Variants in GIGYF2 observed in about 807,000 individuals in gnomAD.
GIGYF2 encodes GRB10 interacting GYF protein 2.
In GIGYF2, 25 loss-of-function variants were observed where a neutral mutation model predicts 208.1. The observed-to-expected ratio is 0.12, with a 90% CI of 0.09 to 0.17. GIGYF2 has a LOEUF of 0.17. Ranked by LOEUF, GIGYF2 falls within the 10% of genes least tolerant of loss-of-function variation. The pLI is 1.00. For missense variants in GIGYF2, 1,302 were observed against 1,579.4 expected, an observed-to-expected ratio of 0.82 and a Z score of 2.98; for synonymous variants, 534 against 543.8, an observed-to-expected ratio of 0.98 and a Z score of 0.25.
intron 3 of GIGYF2, among the ~76,000 whole-genome samples, chr2:232,742,261 C>T (rs1697994404): frequency 6.6e-6 from 1 of 152,170 alleles, no homozygotes; most frequent in African/African-American, 2.4e-5. Context: ...AGAATTGGGG[C>T]TGGGCGCAGT....
chr2:232,804,366 C>T (rs1164798450), intron 14 of GIGYF2, among the ~76,000 whole-genome samples: 1 of 144,558 alleles, frequency 6.9e-6, no homozygotes, highest in Non-Finnish European at 1.5e-5. Context: ...TGTAGATTTA[C>T]ATCTGAGCAT....
intron 2 of GIGYF2, among the ~76,000 whole-genome samples, chr2:232,733,206 G>T (rs1246695134): frequency 6.7e-6 from 1 of 150,000 alleles, no homozygotes; most frequent in African/African-American, 2.5e-5. Flanking sequence ...ACAGTGAGCC[G>T]TGATCGCGCC....
chr2:232,833,758 C>T (rs569842768), intron 22 of GIGYF2, among the ~76,000 whole-genome samples: 5 of 152,152 alleles, frequency 3.3e-5, no homozygotes, highest in East Asian at 1.9e-4. Context: ...GGCATGTAAA[C>T]GTTCAGATGT....
chr2:232,754,322 A>G (rs1698451700), intron 5 of GIGYF2, among the ~76,000 whole-genome samples: 1 of 152,146 alleles, frequency 6.6e-6, no homozygotes, highest in South Asian at 2.1e-4. Context: ...ACTGCAGTTA[A>G]TGATCTTTCT....
intron 18 of GIGYF2, 38 bp from the exon 19 acceptor site, chr2:232,815,599 C>G (rs776443200): frequency 9.3e-7 from 1 of 1,077,966 alleles, no homozygotes; most frequent in South Asian, 1.3e-5. Flanking sequence ...TGTGTGTAAG[C>G]TCTGTCATTC....
At chr2:232,851,707 G>A (rs554270630) in intron 28 of GIGYF2, among the ~76,000 whole-genome samples, 4 of 152,190 alleles carry the variant, frequency 2.6e-5, no homozygotes, top group South Asian at 4.1e-4. Context: ...GGTGTGAACC[G>A]CCACGCCCGG....
chr2:232,793,693 A>G (rs1438631992), intron 12 of GIGYF2, among the ~76,000 whole-genome samples: 1 of 152,186 alleles, frequency 6.6e-6, no homozygotes, highest in African/African-American at 2.4e-5. Flanking sequence ...TATACTTAGT[A>G]GGGGTAAGAA....
At chr2:232,787,707 A>G (rs1018881248) in intron 9 of GIGYF2, among the ~76,000 whole-genome samples, 4 of 152,196 alleles carry the variant, frequency 2.6e-5, no homozygotes, top group Non-Finnish European at 4.4e-5. Context: ...CTCCCCAACA[A>G]TGAGTGTTTT....
chr2:232,823,061 C>T (rs1406496174), intron 21 of GIGYF2, among the ~76,000 whole-genome samples: 1 of 152,018 alleles, frequency 6.6e-6, no homozygotes. Context: ...TGAATAGATA[C>T]TGAGGTTGTA....
chr2:232,720,583 A>ATATATTTTTTT (rs376956632), intron 2 of GIGYF2, among the ~76,000 whole-genome samples: 6 of 144,988 alleles, frequency 4.1e-5, no homozygotes, highest in Admixed American at 2.1e-4. Context: ...ATATATATAT[A>ATATATTTTTTT]TTTTTGTTTG....
intron 8 of GIGYF2, among the ~76,000 whole-genome samples, chr2:232,770,695 G>T: frequency 6.7e-6 from 1 of 149,654 alleles, no homozygotes; most frequent in South Asian, 2.1e-4. Context: ...GTAAAATTTT[G>T]GCATTGAGAC....
chr2:232,844,569 T>G lies in GIGYF2; in HGVS notation c.3300T>G (p.Ser1100Arg). 6.2e-7 allele frequency: 1 copy of G among 1,609,158 alleles called. No individual in the cohort carries two copies. The highest frequency in any genetic ancestry group is 8.5e-7 in the Non-Finnish European group (1 of 1,176,394). ...CAAATAAAAATAAAAACAACGCCAG[T>G]CTCAGGTAGGGCTCAAAATGACCAC... The part of the protein sequence containing the change: ...NSTNKNKNNA[S>R]LSKSVGVSNR... The change falls in exon 25 of 29, where the codon AGT becomes AGG. Residue 1100 changes from serine to arginine, a missense_variant. Physicochemically the swap from Ser to Arg is moderately radical, Grantham distance 110. This residue lies in a region of GIGYF2 where 701 missense variants were observed against 793.0 expected (regional missense o/e 0.88). Coordinates refer to ENST00000373563, the MANE Select transcript of GIGYF2 (RefSeq NM_001103146.3).
At chr2:232,751,959 A>G (rs1255211810) in intron 5 of GIGYF2, among the ~76,000 whole-genome samples, 1 of 152,254 alleles carries the variant, frequency 6.6e-6, no homozygotes, top group Non-Finnish European at 1.5e-5. Flanking sequence ...TTCTAGAACA[A>G]CTAAAGGAAT....
At chr2:232,824,107 A>G (rs1351496489) in intron 21 of GIGYF2, among the ~76,000 whole-genome samples, 10 of 152,192 alleles carry the variant, frequency 6.6e-5, no homozygotes, top group Non-Finnish European at 1.3e-4. Flanking sequence ...TTGACTGGCT[A>G]TTCCCTGTCT....
At chr2:232,802,872 A>G (rs1700439854) in intron 14 of GIGYF2, among the ~76,000 whole-genome samples, 1 of 150,494 alleles carries the variant, frequency 6.6e-6, no homozygotes, top group South Asian at 2.1e-4. Flanking sequence ...AGAAGCCATC[A>G]GGGCAGGGCT....
intron 9 of GIGYF2, among the ~76,000 whole-genome samples, chr2:232,790,140 G>A (rs952631398): frequency 6.6e-6 from 1 of 151,558 alleles, no homozygotes; most frequent in Non-Finnish European, 1.5e-5. Context: ...TTTCAGCACT[G>A]TAATTTTGTG....
rs146944691 is a variant in GIGYF2 at position 232,794,782 on chromosome 2, G to A, written c.1317G>A (p.Gln439=). Residue 439 remains glutamine, a synonymous_variant, in exon 13 of 29, where the codon CAG becomes CAA. Transcript: ENST00000373563. ...CTGATGTCCAGCAGCCCCTGTCGCA[G>A]ATTCCTTCAGATACAGCCTCTCCTC... The part of the protein sequence containing the change: ...MVADVQQPLS[Q]IPSDTASPLL... 1.4e-5 allele frequency: 22 copies of A among 1,613,736 alleles called. No homozygotes were observed. The South Asian group carries it at 2.2e-4, about 16-fold the overall frequency.
chr2:232,847,350 C>T lies in GIGYF2; in HGVS notation c.3463C>T (p.Pro1155Ser). ...TCTTCTCCCCTCCCGTTTTGCAGTT[C>T]CCACATTTGTTTCTTTCCTGAAAGA... is the stretch of plus-strand genomic sequence containing the variant. Reference protein sequence around the residue: ...ALNTANNLDVPTFVSFLKEVE... With the variant: ...ALNTANNLDVSTFVSFLKEVE... The change falls in exon 27 of 29, where the codon CCC becomes TCC. Residue 1155 changes from proline to serine, a missense_variant and splice_region_variant. By Grantham distance (74) the Pro-to-Ser change is moderately conservative (BLOSUM62 -1). Transcript: ENST00000373563. 2 of 1,610,764 alleles carry T rather than the reference C, an allele frequency of 1.2e-6. No individual in the cohort carries two copies. The highest frequency in any genetic ancestry group is 1.7e-6 in the Non-Finnish European group (2 of 1,177,538).
rs969345809 is a variant in GIGYF2, at chr2:232,839,872, C to A, written c.2790C>A (p.Gly930=). The A allele has an allele frequency of 6.2e-7, 1 of 1,613,918 alleles. No homozygotes were observed. The highest frequency in any genetic ancestry group is 8.5e-7 in the Non-Finnish European group (1 of 1,179,826). The change falls in exon 23 of 29, where the codon GGC becomes GGA. Residue 930 remains glycine (G), a synonymous_variant. Coordinates refer to ENST00000373563, the MANE Select transcript of GIGYF2 (RefSeq NM_001103146.3). ...AGCTTCCTTCTTCTTCAACGTGGGGCCAGCAGTCCAATACAACAGCATGTC... is the reference window on the plus strand; with the variant it reads ...AGCTTCCTTCTTCTTCAACGTGGGGACAGCAGTCCAATACAACAGCATGTC... ...QMKLPSSSTW[G]QQSNTTACQS... is the part of the protein sequence containing the mutation.
Sources: allele counts gnomAD v4.1 joint callset (sites outside exome capture counted in the v4.1 genomes callset), GRCh38; gene constraint gnomAD v4.1.1; regional missense constraint gnomAD v4.1.1; transcripts MANE v1.5; gene names NCBI Gene and HGNC (gene_info 2026-07-23, HGNC 2026-07-21).